MEIS2: variants seen among roughly 807,000 people sequenced by gnomAD.
MEIS2 encodes Meis homeobox 2, also known as homeobox protein Meis2.
MEIS2 carries 9 observed loss-of-function variants against 58.6 expected under a neutral mutation model. That is an observed-to-expected ratio of 0.15 (90% CI 0.09 to 0.27). The LOEUF is 0.27. Among genes scored for constraint, MEIS2 ranks in the 10% least tolerant of loss-of-function variants. The pLI is 1.00. For synonymous variants in MEIS2, 221 were observed against 228.4 expected (o/e 0.97, Z 0.29); for missense variants, 427 against 635.0 (o/e 0.67, Z 3.52).
At chr15:37,095,990 A>G (rs761150853) in intron 3 of MEIS2, 8 of 435,748 alleles carry the variant, frequency 1.8e-5, no homozygotes, top group Non-Finnish European at 3.3e-5. Flanking sequence ...CCTCTCCCCA[A>G]TTCTTGTTCA....
chr15:37,016,241 C>A (rs1030945425), intron 8 of MEIS2, among the ~76,000 whole-genome samples: 1 of 152,146 alleles, frequency 6.6e-6, no homozygotes, highest in Admixed American at 6.5e-5. Context: ...AGCTTCACTG[C>A]TCCCATGGCA....
At chr15:36,940,751 C>T (rs188585965) in intron 9 of MEIS2, among the ~76,000 whole-genome samples, 181 of 152,278 alleles carry the variant, frequency 1.2e-3, no homozygotes, top group African/African-American at 4.1e-3. Context: ...TATTTAATGT[C>T]AGAAGCCAGT....
chr15:36,890,263 C>G lies in MEIS2; in HGVS notation c.*1910G>C, dbSNP rs563900516. On this transcript the variant is annotated 3_prime_UTR_variant, in exon 12 of 12. Coordinates refer to ENST00000561208, the MANE Select transcript of MEIS2 (RefSeq NM_170675.5). Reference sequence around the variant, plus strand: ...TTTATTTGAAAATTGAGGGGACATGCCTCACCCTTTTTGCACACTTTAGCA... The same window carrying G: ...TTTATTTGAAAATTGAGGGGACATGGCTCACCCTTTTTGCACACTTTAGCA... 2 of 152,094 alleles carry G rather than the reference C, an allele frequency of 1.3e-5. No homozygotes were observed. Among genetic ancestry groups the G allele is most frequent in the South Asian group, 4.1e-4 (2 of 4,828 alleles). 9.4% of individuals were successfully genotyped at this position (152,094 alleles called of 1,614,324 possible).
intron 7 of MEIS2, among the ~76,000 whole-genome samples, chr15:37,070,558 C>A (rs1009859203): frequency 6.6e-6 from 1 of 152,082 alleles, no homozygotes; most frequent in Non-Finnish European, 1.5e-5. Context: ...CAGAGGATAC[C>A]CTGCTCTACT....
At chr15:37,075,861 A>G (rs1426068847) in intron 7 of MEIS2, among the ~76,000 whole-genome samples, 1 of 151,996 alleles carries the variant, frequency 6.6e-6, no homozygotes, top group Non-Finnish European at 1.5e-5. Context: ...CAAGGCAGGC[A>G]GAAGAGAAGG....
intron 7 of MEIS2, among the ~76,000 whole-genome samples, chr15:37,045,383 A>G (rs1358983217): frequency 6.6e-6 from 1 of 152,120 alleles, no homozygotes; most frequent in African/African-American, 2.4e-5. Flanking sequence ...AAGAGCCAAA[A>G]GGTATTTTCT....
At chr15:37,013,108 A>C (rs926842228) in intron 8 of MEIS2, among the ~76,000 whole-genome samples, 8 of 152,156 alleles carry the variant, frequency 5.3e-5, no homozygotes, top group Admixed American at 2.0e-4. Context: ...GAGAAAGGAA[A>C]CTGGCTTGGA....
intron 7 of MEIS2, among the ~76,000 whole-genome samples, chr15:37,067,740 T>A (rs1890149528): frequency 6.6e-6 from 1 of 152,186 alleles, no homozygotes; most frequent in South Asian, 2.1e-4. Context: ...CCTGCCCATG[T>A]TTGTATGTCT....
At chr15:36,961,394 A>G (rs1415069573) in intron 8 of MEIS2, among the ~76,000 whole-genome samples, 1 of 152,122 alleles carries the variant, frequency 6.6e-6, no homozygotes, top group African/African-American at 2.4e-5. Context: ...CGGACTAAAC[A>G]TTCACTCGTT....
At chr15:37,050,260 GT>G (rs2062857596) in intron 7 of MEIS2, among the ~76,000 whole-genome samples, 1 of 152,114 alleles carries the variant, frequency 6.6e-6, no homozygotes, top group African/African-American at 2.4e-5. Flanking sequence ...GCTCCTTCAA[GT>G]CAAAAACCAT....
intron 7 of MEIS2, among the ~76,000 whole-genome samples, chr15:37,059,069 A>G (rs934633204): frequency 1.3e-5 from 2 of 152,234 alleles, no homozygotes; most frequent in Non-Finnish European, 2.9e-5. Flanking sequence ...ATGACAAGGT[A>G]CAAAAACAAA....
chr15:36,913,936 C>T (rs1197730819), intron 9 of MEIS2, among the ~76,000 whole-genome samples: 2 of 152,116 alleles, frequency 1.3e-5, no homozygotes, highest in Admixed American at 6.5e-5. Context: ...ATATTGTGTC[C>T]ACTTGCTGCC....
chr15:37,047,681 A>G (rs1331021059), intron 7 of MEIS2, among the ~76,000 whole-genome samples: 1 of 152,250 alleles, frequency 6.6e-6, no homozygotes, highest in Admixed American at 6.5e-5. Flanking sequence ...TTATACAAAA[A>G]TGAGTTGTTA....
At chr15:36,900,608 T>C (rs1228917843) in intron 9 of MEIS2, among the ~76,000 whole-genome samples, 3 of 152,194 alleles carry the variant, frequency 2.0e-5, no homozygotes, top group African/African-American at 7.2e-5. Context: ...AAAAAATACA[T>C]TAAAACAAAT....
intron 8 of MEIS2, among the ~76,000 whole-genome samples, chr15:36,971,138 C>T (rs567368206): frequency 1.4e-4 from 21 of 152,000 alleles, no homozygotes; most frequent in African/African-American, 5.1e-4. Flanking sequence ...ATTTACCTGC[C>T]TCTGGCTAGT....
intron 9 of MEIS2, among the ~76,000 whole-genome samples, chr15:36,942,501 A>C (rs2058411219): frequency 6.6e-6 from 1 of 152,106 alleles, no homozygotes; most frequent in African/African-American, 2.4e-5. Flanking sequence ...AATCCAACAC[A>C]ATGAAAACAA....
chr15:37,060,205 C>T (rs1889018964), intron 7 of MEIS2, among the ~76,000 whole-genome samples: 1 of 152,128 alleles, frequency 6.6e-6, no homozygotes, highest in Non-Finnish European at 1.5e-5. Context: ...CCTCCCAAAG[C>T]ACTGGGATTA....
chr15:37,018,420 T>C (rs2061420642), intron 8 of MEIS2, among the ~76,000 whole-genome samples: 1 of 152,222 alleles, frequency 6.6e-6, no homozygotes, highest in South Asian at 2.1e-4. Flanking sequence ...ATCAATGTTT[T>C]AGATTTATTA....
At chr15:36,954,838 G>C (rs961787186) in intron 8 of MEIS2, among the ~76,000 whole-genome samples, 1 of 152,136 alleles carries the variant, frequency 6.6e-6, no homozygotes, top group African/African-American at 2.4e-5. Flanking sequence ...ATTATGCATG[G>C]AAAGTGATCA....
Sources: gnomAD v4.1 joint callset for allele counts (sites outside exome capture counted in the v4.1 genomes callset) on GRCh38, gnomAD v4.1.1 for gene constraint, MANE v1.5 for transcripts, NCBI Gene and HGNC (gene_info 2026-07-23, HGNC 2026-07-21) for gene names.